The following TCEANC2 variants were observed in gnomAD, a reference collection of about 807,000 sequenced individuals.
TCEANC2 encodes transcription elongation factor A N-terminal and central domain containing 2, also known as transcription elongation factor A N-terminal and central domain-containing protein 2.
In TCEANC2, 20 loss-of-function variants were observed where a neutral mutation model predicts 22.8. The ratio of observed to expected loss-of-function variants is 0.88; its 90% CI spans 0.62 to 1.28. TCEANC2 has a LOEUF of 1.28. Among genes scored for constraint, TCEANC2 ranks in the 50% most tolerant of loss-of-function variants. The pLI is 0.00. For missense variants in TCEANC2, 251 were observed against 249.7 expected (o/e 1.01, Z -0.03); for synonymous variants, 84 against 95.5 (o/e 0.88, Z 0.70).
At chr1:54,054,329 T>G (rs1657696475) in intron 1 of TCEANC2, 52 bp from the exon 2 acceptor site, 3 of 1,543,476 alleles carry the variant, frequency 1.9e-6, no homozygotes, top group Non-Finnish European at 2.6e-6. Flanking sequence ...GGGGAAAAAA[T>G]ATCATGGCAG....
intron 2 of TCEANC2, among the ~76,000 whole-genome samples, chr1:54,061,004 A>G (rs899856360): frequency 1.3e-5 from 2 of 152,098 alleles, no homozygotes; most frequent in African/African-American, 4.8e-5. Flanking sequence ...TTTAGTGCCC[A>G]AAGAAGGCTA....
intron 1 of TCEANC2, 143 bp from the exon 2 acceptor site, chr1:54,054,238 G>T: frequency 1.4e-6 from 2 of 1,437,786 alleles, no homozygotes; most frequent in Non-Finnish European, 1.8e-6. Flanking sequence ...TTCTTTTAAA[G>T]AGAAAATCTT....
chr1:54,059,641 TTACTG>T (rs1445722524), intron 2 of TCEANC2, among the ~76,000 whole-genome samples: 6 of 152,222 alleles, frequency 3.9e-5, no homozygotes, highest in African/African-American at 1.2e-4. Context: ...AGCATTTACT[TTACTG>T]TATTGTAATT....
chr1:54,073,897 A>C (rs1305069042), intron 3 of TCEANC2, among the ~76,000 whole-genome samples: 1 of 152,120 alleles, frequency 6.6e-6, no homozygotes, highest in Non-Finnish European at 1.5e-5. Context: ...TTGTAGATTG[A>C]TTGGATGTTG....
At chr1:54,088,169 A>T (rs946584102) in intron 3 of TCEANC2, among the ~76,000 whole-genome samples, 1 of 152,216 alleles carries the variant, frequency 6.6e-6, no homozygotes, top group African/African-American at 2.4e-5. Flanking sequence ...CAGGGCTACA[A>T]AAAAATGTTC....
intron 2 of TCEANC2, among the ~76,000 whole-genome samples, chr1:54,061,636 A>G (rs1482580511): frequency 6.6e-6 from 1 of 152,208 alleles, no homozygotes; most frequent in African/African-American, 2.4e-5. Flanking sequence ...TGAAAAACTA[A>G]GGCACAGAGA....
rs993970641 is a variant in TCEANC2, at chr1:54,097,989, G to T, written c.*1516G>T. 11 of 152,360 alleles carry T rather than the reference G, an allele frequency of 7.2e-5. No homozygotes were observed. Among genetic ancestry groups the T allele is most frequent in the African/African-American group, 2.6e-4 (11 of 41,588 alleles). The allele number at this position is 152,360 out of a possible 1,614,324, so 9.4% of individuals were successfully genotyped here. A position where few individuals can be genotyped will look rare whatever the true frequency, so the allele number is the denominator to read the frequency against. On this transcript the variant is annotated 3_prime_UTR_variant, in exon 5 of 5. Coordinates refer to ENST00000234827, the MANE Select transcript of TCEANC2 (RefSeq NM_153035.3). ...TAACTTACTCAAGGTCACGCAGATA[G>T]TGAATGACAGATCTAAGATTCAAAA...
intron 4 of TCEANC2, among the ~76,000 whole-genome samples, chr1:54,091,602 G>A (rs2100384105): frequency 6.6e-6 from 1 of 152,262 alleles, no homozygotes; most frequent in South Asian, 2.1e-4. Flanking sequence ...GCCTAAAGGT[G>A]CATCTCTTTA....
chr1:54,066,422 G>A (rs1333569962), intron 2 of TCEANC2, among the ~76,000 whole-genome samples: 1 of 152,188 alleles, frequency 6.6e-6, no homozygotes, highest in East Asian at 1.9e-4. Flanking sequence ...GATTGGAATA[G>A]GAGGCAGGGA....
rs752375398 is a variant in TCEANC2, at chr1:54,053,614, GC to G, written c.-186del. ...ATGTGGTTCGCTGTGGCCCAGAGGC[GC>G]GAGGGCCGGCGGAGTTTCTTCAGAG... On this transcript the variant is annotated 5_prime_UTR_variant, in exon 1 of 5. Transcript: ENST00000234827. 31 of 166,822 alleles carry G rather than the reference GC, an allele frequency of 1.9e-4. No homozygotes were observed. Among genetic ancestry groups the G allele is most frequent in the Non-Finnish European group, 3.8e-4 (29 of 76,784 alleles). 10.3% of individuals were successfully genotyped at this position (166,822 alleles called of 1,614,324 possible).
chr1:54,110,677 CA>C (rs1391946476), downstream of TCEANC2, among the ~76,000 whole-genome samples: 1 of 152,146 alleles, frequency 6.6e-6, no homozygotes, highest in Non-Finnish European at 1.5e-5. Context: ...AAGAATAAAA[CA>C]AAAGTCCTTA....
chr1:54,072,446 G>C (rs1274181921), intron 3 of TCEANC2, among the ~76,000 whole-genome samples: 1 of 151,486 alleles, frequency 6.6e-6, no homozygotes, highest in East Asian at 1.9e-4. Context: ...GCCCAGGCTG[G>C]AGTGCAGTGG....
chr1:54,064,242 C>T (rs1431779670), intron 2 of TCEANC2, among the ~76,000 whole-genome samples: 2 of 152,174 alleles, frequency 1.3e-5, no homozygotes, highest in African/African-American at 2.4e-5. Context: ...CTCAAAGAGA[C>T]CTTAAATATG....
chr1:54,064,380 T>C (rs1352650412), intron 2 of TCEANC2, among the ~76,000 whole-genome samples: 4 of 152,200 alleles, frequency 2.6e-5, no homozygotes, highest in East Asian at 1.9e-4. Context: ...GTACACTCCA[T>C]AGAGTGTGAG....
chr1:54,054,553 T>G (rs374959578), intron 2 of TCEANC2, 29 bp downstream of exon 2: 5 of 1,598,394 alleles, frequency 3.1e-6, no homozygotes, highest in Non-Finnish European at 4.3e-6. Context: ...CTAGAGGAAA[T>G]GTGCAAAGGA....
At chr1:54,111,994 C>T (rs1658847608) in exon 5 of TCEANC2, 1 of 152,190 alleles carries the variant, frequency 6.6e-6, no homozygotes, top group African/African-American at 2.4e-5. Context: ...TCTTCAGCTC[C>T]ATGAAGGAGC....
chr1:54,059,260 C>T (rs1657807423), intron 2 of TCEANC2, among the ~76,000 whole-genome samples: 2 of 151,292 alleles, frequency 1.3e-5, no homozygotes, highest in South Asian at 4.2e-4. Flanking sequence ...TCAAGCGATT[C>T]TCCTGCCTCA....
rs1658561677 is a variant in TCEANC2, at chr1:54,096,610, C to CA, written c.*138dup. On this transcript the variant is annotated 3_prime_UTR_variant, in exon 5 of 5. Coordinates refer to ENST00000234827, the MANE Select transcript of TCEANC2 (RefSeq NM_153035.3). The surrounding 1 kb of genome is among the most constrained non-coding windows in gnomAD (Gnocchi z 4.9). Reference sequence around the variant, plus strand: ...TCCCATGGTGCCGTTCCTTTGCAGACAGAGGATTCGGAGAGCCCTAGGAGA... The same window carrying CA: ...TCCCATGGTGCCGTTCCTTTGCAGACAAGAGGATTCGGAGAGCCCTAGGAGA... 1 of 1,409,302 alleles carries CA rather than the reference C, an allele frequency of 7.1e-7. No homozygotes were observed. The highest frequency in any genetic ancestry group is 1.4e-5 in the African/African-American group (1 of 69,506). The allele number at this position is 1,409,302 out of a possible 1,614,324, so 87.3% of individuals were successfully genotyped here.
At chr1:54,078,756 G>A (rs1212761128) in intron 3 of TCEANC2, among the ~76,000 whole-genome samples, 1 of 152,182 alleles carries the variant, frequency 6.6e-6, no homozygotes, top group African/African-American at 2.4e-5. Context: ...AAGGAAAGAT[G>A]AAGGGGCTGA....
Sources: gnomAD v4.1 joint callset for allele counts (sites outside exome capture counted in the v4.1 genomes callset) on GRCh38, gnomAD v4.1.1 for gene constraint, Gnocchi (gnomAD v3.1) non-coding constraint, MANE v1.5 for transcripts, NCBI Gene and HGNC (gene_info 2026-07-23, HGNC 2026-07-21) for gene names.